The following ZEB2 variants were observed in gnomAD, a reference collection of about 807,000 sequenced individuals.
The protein encoded by ZEB2 is zinc finger E-box binding homeobox 2.
In ZEB2, 6 loss-of-function variants were observed where a neutral mutation model predicts 99.9. That is an observed-to-expected ratio of 0.06 (90% CI 0.03 to 0.12). The LOEUF is 0.12. Among genes scored for constraint, ZEB2 ranks in the 10% least tolerant of loss-of-function variants. The pLI, the probability that ZEB2 is intolerant of heterozygous loss-of-function variation, is 1.00. For synonymous variants in ZEB2, 517 were observed against 542.5 expected (o/e 0.95, Z 0.65); for missense variants, 969 against 1,502.8 (o/e 0.64, Z 5.87).
At chr2:144,458,471 A>G (rs1704150176) in intron 2 of ZEB2, among the ~76,000 whole-genome samples, 1 of 152,116 alleles carries the variant, frequency 6.6e-6, no homozygotes, top group Non-Finnish European at 1.5e-5. Flanking sequence ...GTATTGATTG[A>G]TTATCACAGT....
At chr2:144,398,018 A>T in intron 8 of ZEB2, 1 of 377,134 alleles carries the variant, frequency 2.7e-6, no homozygotes, top group Non-Finnish European at 5.1e-6. Context: ...AAATATTTTC[A>T]CCAAAGTTTA....
intron 2 of ZEB2, among the ~76,000 whole-genome samples, chr2:144,439,022 G>T (rs1188947800): frequency 1.3e-5 from 2 of 151,238 alleles, no homozygotes; most frequent in Non-Finnish European, 2.9e-5. Flanking sequence ...CAAACAATGT[G>T]AGGGGAAAAA....
intron 2 of ZEB2, among the ~76,000 whole-genome samples, chr2:144,445,445 T>C (rs994840028): frequency 1.3e-5 from 2 of 152,130 alleles, no homozygotes; most frequent in African/African-American, 4.8e-5. Flanking sequence ...ATTCTCTCTC[T>C]CTTCCTCTCA....
At chr2:144,487,079 A>G (rs1354192315) in intron 2 of ZEB2, among the ~76,000 whole-genome samples, 10 of 152,208 alleles carry the variant, frequency 6.6e-5, no homozygotes, top group Admixed American at 6.5e-4. Flanking sequence ...TTTCATTTCA[A>G]TAGAACACAC....
intron 4 of ZEB2, among the ~76,000 whole-genome samples, chr2:144,405,954 T>C (rs1013558153): frequency 1.3e-5 from 2 of 152,224 alleles, no homozygotes; most frequent in Non-Finnish European, 2.9e-5. Context: ...GGAGAGTAGC[T>C]GTTATATTAT....
chr2:144,443,120 T>C (rs1703937731), intron 2 of ZEB2, among the ~76,000 whole-genome samples: 1 of 152,092 alleles, frequency 6.6e-6, no homozygotes, highest in South Asian at 2.1e-4. Flanking sequence ...GGGAAATAAA[T>C]ATTACAGTTT....
chr2:144,484,637 G>A (rs1704568215), intron 2 of ZEB2, among the ~76,000 whole-genome samples: 1 of 152,080 alleles, frequency 6.6e-6, no homozygotes, highest in Non-Finnish European at 1.5e-5. Flanking sequence ...ACAGGCAATG[G>A]GGCCAGGAGC....
chr2:144,483,914 T>C (rs2149915595), intron 2 of ZEB2, among the ~76,000 whole-genome samples: 1 of 152,328 alleles, frequency 6.6e-6, no homozygotes, highest in African/African-American at 2.4e-5. Flanking sequence ...TACCTTAGCA[T>C]TCTGCCGTGA....
rs1703912648 is a variant in ZEB2 at position 144,441,188 on chromosome 2, A to C, written c.74-11162T>G. Among the ~76,000 whole-genome samples, 3 of 150,562 alleles carry C rather than the reference A, an allele frequency of 2.0e-5. No homozygotes were observed. In the Admixed American group the frequency reaches 2.0e-4, roughly 10 times the overall value. ...ACGAGAGAGAGAGAGAGAGAGAGAG[A>C]GAGAGAGAGAGAGAGAGAGAACCTC... On this transcript the variant is annotated intron_variant, in intron 2 of 9. Transcript: ENST00000627532.
At chr2:144,473,215 C>T (rs1468768725) in intron 2 of ZEB2, among the ~76,000 whole-genome samples, 1 of 152,118 alleles carries the variant, frequency 6.6e-6, no homozygotes, top group South Asian at 2.1e-4. Context: ...AGAAAGACAG[C>T]AGTGAGACAA....
At position 144,404,039 on chromosome 2, in the gene ZEB2, C is replaced by A. The variant is rs766427604; in HGVS notation, c.684G>T (p.Glu228Asp). 2 of 1,614,008 alleles carry A rather than the reference C, an allele frequency of 1.2e-6. No individual in the cohort carries two copies. The highest frequency in any genetic ancestry group is 1.7e-6 in the Non-Finnish European group (2 of 1,180,002). ...RGYKRLTSLK[E>D]HIKYRHEKNE... ...TCTTCTCGTGGCGGTACTTGATGTG[C>A]TCCTTCAGTGATGTCAAGCGCTTGT... The change falls in exon 6 of 10, where the codon GAG (glutamate) becomes GAT (aspartate). Residue 228 changes from glutamate to aspartate, a missense_variant. By Grantham distance (45) the Glu-to-Asp change is conservative (BLOSUM62 2). Transcript: ENST00000627532.
At chr2:144,484,831 T>C (rs562429398) in intron 2 of ZEB2, among the ~76,000 whole-genome samples, 1 of 151,608 alleles carries the variant, frequency 6.6e-6, no homozygotes, top group Admixed American at 6.6e-5. Context: ...GCCCAGCCTG[T>C]ACAGAAATTA....
At chr2:144,486,968 T>C (rs974290461) in intron 2 of ZEB2, among the ~76,000 whole-genome samples, 1 of 152,218 alleles carries the variant, frequency 6.6e-6, no homozygotes, top group Non-Finnish European at 1.5e-5. Context: ...ATGGTATTAT[T>C]AAATGTTAGG....
intron 4 of ZEB2, among the ~76,000 whole-genome samples, chr2:144,410,695 G>A (rs1056652378): frequency 6.6e-6 from 1 of 152,084 alleles, no homozygotes; most frequent in Non-Finnish European, 1.5e-5. Flanking sequence ...TGTGTTCACA[G>A]TGGAAGACAG....
At chr2:144,424,231 A>C in intron 4 of ZEB2, 1 of 373,218 alleles carries the variant, frequency 2.7e-6, no homozygotes, top group Non-Finnish European at 5.2e-6. Context: ...AAAAATAAGT[A>C]AACTTGTCAA....
intron 8 of ZEB2, among the ~76,000 whole-genome samples, chr2:144,398,082 C>A (rs568405062): frequency 2.6e-5 from 4 of 152,244 alleles, no homozygotes; most frequent in East Asian, 1.9e-4. Context: ...ATATTAATTT[C>A]TTCTTTATCC....
chr2:144,396,326 T>C, intron 9 of ZEB2, 86 bp downstream of exon 9: 1 of 1,524,416 alleles, frequency 6.6e-7, no homozygotes, highest in Non-Finnish European at 9.1e-7. Context: ...ATGTTACATC[T>C]TATGTTGCAC....
chr2:144,404,821 G>T lies in ZEB2; in HGVS notation c.592+15C>A. ...AGAGGTCAGTGCAGTGGCTAAAAAT[G>T]ATTTACAGCCTCACCATTTTCTTCT... On this transcript the variant is annotated intron_variant, in intron 5 of 9. Coordinates refer to ENST00000627532, the MANE Select transcript of ZEB2 (RefSeq NM_014795.4). 2 of 1,612,978 alleles carry T rather than the reference G, an allele frequency of 1.2e-6. No individual in the cohort carries two copies. Among genetic ancestry groups the T allele is most frequent in the Non-Finnish European group, 1.7e-6 (2 of 1,179,518 alleles).
At chr2:144,494,702 G>A (rs1195336021) in intron 2 of ZEB2, 1 of 152,088 alleles carries the variant, frequency 6.6e-6, no homozygotes, top group East Asian at 1.9e-4. Context: ...CATCTCCAAA[G>A]CCTAGGCATC....
Sources: allele counts gnomAD v4.1 joint callset (sites outside exome capture counted in the v4.1 genomes callset), GRCh38; gene constraint gnomAD v4.1.1; transcripts MANE v1.5; gene names NCBI Gene and HGNC (gene_info 2026-07-23, HGNC 2026-07-21).